Variants in SPTB observed in about 807,000 individuals in gnomAD.
The protein encoded by SPTB is spectrin beta, erythrocytic.
A neutral mutation model predicts 256.2 loss-of-function variants in SPTB; 45 were observed. That is an observed-to-expected ratio of 0.18 (90% CI 0.14 to 0.23). The LOEUF (loss-of-function observed/expected upper bound fraction) is 0.23, where lower values mean the gene tolerates loss of function less well. Ranked by LOEUF, SPTB falls within the 10% of genes least tolerant of loss-of-function variation. SPTB has a pLI of 1.00. For missense variants in SPTB, 2,715 were observed against 3,040.4 expected, an observed-to-expected ratio of 0.89 and a Z score of 2.52; for synonymous variants, 1,231 against 1,243.1, an observed-to-expected ratio of 0.99 and a Z score of 0.21.
chr14:64,861,996 A>G (rs1348150685), intron 1 of SPTB, among the ~76,000 whole-genome samples: 1 of 152,106 alleles, frequency 6.6e-6, no homozygotes, highest in Non-Finnish European at 1.5e-5. Flanking sequence ...GGCATTACCC[A>G]AAGTTAAGGC....
intron 1 of SPTB, among the ~76,000 whole-genome samples, chr14:64,839,901 C>T (rs1033785): frequency 0.71 from 108,185 of 152,072 alleles, 39,373 homozygotes; most frequent in Non-Finnish European, 0.8. Context: ...CTTTAAGCTA[C>T]AGAAATTAAA....
intron 6 of SPTB, 152 bp downstream of exon 6, chr14:64,801,602 A>G: frequency 1.1e-6 from 1 of 933,124 alleles, no homozygotes; most frequent in South Asian, 1.3e-5. Context: ...GCTGGGATTT[A>G]AGGAAAGTGA....
At chr14:64,767,920 G>A (rs575319435) in intron 29 of SPTB, 61 bp from the exon 30 acceptor site, 19 of 1,574,730 alleles carry the variant, frequency 1.2e-5, no homozygotes, top group South Asian at 2.2e-5. Context: ...GCACCCAATC[G>A]TTCACTCCTG....
Position 64,800,750 on chromosome 14 carries a change from T to A in SPTB, c.876+6A>T. ...AGTGACACTTTGGTTCCAAAACAGCTTGTACCTTGCCGACACGCTTGCCCT... is the reference window on the plus strand; with the variant it reads ...AGTGACACTTTGGTTCCAAAACAGCATGTACCTTGCCGACACGCTTGCCCT... On this transcript the variant is annotated splice_donor_region_variant and intron_variant, in intron 8 of 35. Transcript: ENST00000644917. The A allele has an allele frequency of 6.2e-7, 1 of 1,613,672 alleles. No homozygotes were observed. The highest frequency in any genetic ancestry group is 8.5e-7 in the Non-Finnish European group (1 of 1,179,564).
chr14:64,819,549 G>T (rs143698347), intron 2 of SPTB, among the ~76,000 whole-genome samples: 1 of 152,338 alleles, frequency 6.6e-6, no homozygotes, highest in Non-Finnish European at 1.5e-5. Flanking sequence ...TGGAGAGAGA[G>T]AGACCTGCAT....
At chr14:64,834,357 T>G (rs528018912) in intron 1 of SPTB, among the ~76,000 whole-genome samples, 1 of 150,818 alleles carries the variant, frequency 6.6e-6, no homozygotes, top group African/African-American at 2.4e-5. Flanking sequence ...CCTCTTCCTC[T>G]CCTGCTAGAC....
At chr14:64,774,359 C>G (rs564550444) in intron 24 of SPTB, 38 bp downstream of exon 24, 1 of 1,570,690 alleles carries the variant, frequency 6.4e-7, no homozygotes, top group African/African-American at 1.3e-5. Context: ...GGCTCAATCC[C>G]CATCTCCTGA....
At chr14:64,752,300 T>TC (rs2081964180) in intron 33 of SPTB, 1 of 1,281,972 alleles carries the variant, frequency 7.8e-7, no homozygotes, top group Admixed American at 2.1e-5. Context: ...TCCTCTCCTC[T>TC]CCCTCTTCTC....
rs1249138150 is a variant in SPTB at position 64,823,335 on chromosome 14, G to A, written c.-51-190C>T. 6.6e-6 allele frequency among the ~76,000 whole-genome samples: 1 copy of A among 152,206 alleles called. No homozygotes were observed. The highest frequency in any genetic ancestry group is 6.5e-5 in the Admixed American group (1 of 15,280). ...ATAAAATATTGCAGCAGCAGCAGCA[G>A]CAACAGTACCGGCAGCAGTGGCAGG... is the stretch of plus-strand genomic sequence containing the variant. On this transcript the variant is annotated intron_variant, in intron 1 of 35. Transcript: ENST00000644917. The surrounding 1 kb of genome is among the most constrained non-coding windows in gnomAD (Gnocchi z 6.5).
Position 64,810,409 on chromosome 14 carries a change from T to G in SPTB, c.149-5319A>C, listed in dbSNP as rs565820476. 1.4e-4 allele frequency among the ~76,000 whole-genome samples: 21 copies of G among 152,354 alleles called. No individual in the cohort carries two copies. In the East Asian group the frequency reaches 1.9e-3, roughly 14 times the overall value. ...AATACCAAAATCAGGCTGGGCGTGG[T>G]GGCTCACGCCTGTAATTCCAGCACT... On this transcript the variant is annotated intron_variant, in intron 2 of 35. Transcript: ENST00000644917.
chr14:64,793,940 C>T lies in SPTB; in HGVS notation c.1796-73G>A. On this transcript the variant is annotated intron_variant, in intron 13 of 35. Transcript: ENST00000644917. This position sits in a 1 kb window ranked among gnomAD's most constrained non-coding sequence, Gnocchi z 7.0. Reference sequence around the variant, plus strand: ...TTATGGGCACGCTTCAGATAAGCTGCTAGGTTGGAACTACACAACCCTGAA... The same window carrying T: ...TTATGGGCACGCTTCAGATAAGCTGTTAGGTTGGAACTACACAACCCTGAA... 6.6e-7 allele frequency: 1 copy of T among 1,506,324 alleles called. No homozygotes were observed. Among genetic ancestry groups the T allele is most frequent in the Non-Finnish European group, 8.9e-7 (1 of 1,126,358 alleles). The allele number at this position is 1,506,324 out of a possible 1,614,324, so 93.3% of individuals were successfully genotyped here.
In SPTB at chr14:64,875,521, T is replaced by C. The variant is rs10132094; in HGVS notation, c.-52+4271A>G. Among the ~76,000 whole-genome samples, 317 of 152,286 alleles carry C rather than the reference T, an allele frequency of 2.1e-3. 3 individuals carry two copies. Among genetic ancestry groups the C allele is most frequent in the African/African-American group, 7.0e-3 (293 of 41,562 alleles). On this transcript the variant is annotated intron_variant, in intron 1 of 35. Transcript: ENST00000644917. ...CTCTTCCTCAATCACTATCTCCATC[T>C]CCAAAACAGGTGACCTTCCCCTAAT...
At chr14:64,805,483 C>T (rs1223296303) in intron 2 of SPTB, among the ~76,000 whole-genome samples, 1 of 152,208 alleles carries the variant, frequency 6.6e-6, no homozygotes, top group Admixed American at 6.5e-5. Flanking sequence ...AACCCCTCCA[C>T]TCTACCCCAC....
intron 1 of SPTB, among the ~76,000 whole-genome samples, chr14:64,839,912 G>A (rs533185009): frequency 1.3e-5 from 2 of 152,308 alleles, no homozygotes; most frequent in African/African-American, 4.8e-5. Context: ...AGAAATTAAA[G>A]AAGCCTTCAT....
At position 64,749,539 on chromosome 14, in the gene SPTB, C is replaced by A. The variant is rs1349516927; in HGVS notation, c.6820-66G>T. 1.9e-6 allele frequency: 3 copies of A among 1,600,922 alleles called. No individual in the cohort carries two copies. In the Admixed American group the frequency reaches 5.0e-5, roughly 27 times the overall value. On this transcript the variant is annotated intron_variant, in intron 35 of 35. Transcript: ENST00000644917. This position sits in a 1 kb window ranked among gnomAD's most constrained non-coding sequence, Gnocchi z 4.7. ...GCCCCCCACCTCCCGGGCCAGGCAACAATGGTGGGGGCTCTTGGGACTGCC... is the reference window on the plus strand; with the variant it reads ...GCCCCCCACCTCCCGGGCCAGGCAAAAATGGTGGGGGCTCTTGGGACTGCC...
At chr14:64,794,696 G>C in intron 12 of SPTB, 79 bp from the exon 13 acceptor site, 2 of 1,575,066 alleles carry the variant, frequency 1.3e-6, no homozygotes, top group Non-Finnish European at 1.7e-6. Flanking sequence ...CCTGCAAAGG[G>C]CATGTCTCTA....
chr14:64,782,160 T>A, intron 20 of SPTB, 130 bp downstream of exon 20: 4 of 1,328,640 alleles, frequency 3.0e-6, no homozygotes, highest in South Asian at 2.4e-5. Flanking sequence ...TAAACCCCCA[T>A]GACATGTGTT....
chr14:64,852,963 T>C lies in SPTB; in HGVS notation c.-52+26829A>G, dbSNP rs1233350785. On this transcript the variant is annotated intron_variant, in intron 1 of 35. Transcript: ENST00000644917. The surrounding 1 kb of genome is among the most constrained non-coding windows in gnomAD (Gnocchi z 4.2). ...TGCAGAGTGCTGCCGAGGAGACGTA[T>C]AGGTACTAGGCAAGCATTAACAGGG... Among the ~76,000 whole-genome samples the C allele has an allele frequency of 4.6e-5, 7 of 152,190 alleles. No individual in the cohort carries two copies. The highest frequency in any genetic ancestry group is 7.3e-5 in the Non-Finnish European group (5 of 68,042).
Position 64,773,313 on chromosome 14 carries a change from G to T in SPTB, c.5085C>A (p.Leu1695=). The T allele has an allele frequency of 6.2e-7, 1 of 1,614,224 alleles. No homozygotes were observed. The highest frequency in any genetic ancestry group is 8.5e-7 in the Non-Finnish European group (1 of 1,180,034). Residue 1695 remains leucine (L), a synonymous_variant, in exon 25 of 36, where the codon CTC becomes CTA. Coordinates refer to ENST00000644917, the MANE Select transcript of SPTB (RefSeq NM_001355436.2). ...GCTCCAGGTCGTCGGTCTCCCGCTT[G>T]AGCTGGAACAGGTGGTACATGTTCT... The part of the protein sequence containing the change: ...KLENMYHLFQ[L]KRETDDLEQW...
Sources: gnomAD v4.1 joint callset for allele counts (sites outside exome capture counted in the v4.1 genomes callset) on GRCh38, gnomAD v4.1.1 for gene constraint, Gnocchi (gnomAD v3.1) non-coding constraint, MANE v1.5 for transcripts, NCBI Gene and HGNC (gene_info 2026-07-23, HGNC 2026-07-21) for gene names.